SLC15A5: variants seen among roughly 807,000 people sequenced by gnomAD.
The protein encoded by SLC15A5 is Peptide/histidine transporter ENSP00000340402.
SLC15A5 carries 58 observed loss-of-function variants against 56.1 expected under a neutral mutation model. The ratio of observed to expected loss-of-function variants is 1.03; its 90% confidence interval spans 0.84 to 1.29. The LOEUF is 1.29. Among genes scored for constraint, SLC15A5 ranks in the 50% most tolerant of loss-of-function variants. The probability of loss-of-function intolerance (pLI) is 0.00; values close to 1 mark genes in which losing one functional copy is unlikely to be tolerated. For synonymous variants in SLC15A5, 264 were observed against 250.5 expected (o/e 1.05, Z -0.51); for missense variants, 681 against 672.1 (o/e 1.01, Z -0.15).
chr12:16,277,055 G>A (rs1248996776), intron 1 of SLC15A5, among the ~76,000 whole-genome samples: 2 of 151,616 alleles, frequency 1.3e-5, no homozygotes, highest in Non-Finnish European at 2.9e-5. Context: ...GGCATTCTAA[G>A]GAGTAAGATA....
intron 6 of SLC15A5, among the ~76,000 whole-genome samples, chr12:16,222,887 A>G (rs1410721739): frequency 6.6e-6 from 1 of 152,232 alleles, no homozygotes; most frequent in Non-Finnish European, 1.5e-5. Context: ...ACATCAGAGA[A>G]GATCACAAAT....
At chr12:16,264,883 C>A (rs1864678618) in intron 2 of SLC15A5, among the ~76,000 whole-genome samples, 1 of 152,198 alleles carries the variant, frequency 6.6e-6, no homozygotes, top group South Asian at 2.1e-4. Context: ...TCAAATTAAA[C>A]CTCTTTCTTT....
At chr12:16,231,669 T>A (rs1864301135) in intron 5 of SLC15A5, among the ~76,000 whole-genome samples, 1 of 152,214 alleles carries the variant, frequency 6.6e-6, no homozygotes, top group African/African-American at 2.4e-5. Context: ...ATGTGTTCCA[T>A]CTCCTCCTCT....
chr12:16,259,154 C>G lies in SLC15A5; in HGVS notation c.585-1284G>C, dbSNP rs1489962062. The stretch of plus-strand genomic sequence containing the variant: ...TGAAGGAATCCTACTGCCTCAGCTT[C>G]TCTCAAGTAGCTGGGACCACAAGCA... On this transcript the variant is annotated intron_variant, in intron 2 of 8. Coordinates refer to ENST00000344941, the MANE Select transcript of SLC15A5 (RefSeq NM_001170798.1). Among the ~76,000 whole-genome samples, 6 of 149,626 alleles carry G rather than the reference C, an allele frequency of 4.0e-5. No homozygotes were observed. The Admixed American group carries it at 4.0e-4, about 10-fold the overall frequency.
intron 1 of SLC15A5, among the ~76,000 whole-genome samples, chr12:16,274,834 T>C (rs1864799763): frequency 6.6e-6 from 1 of 152,120 alleles, no homozygotes; most frequent in Non-Finnish European, 1.5e-5. Flanking sequence ...CTTCCATCTT[T>C]TGAGAAAATG....
At chr12:16,198,076 G>A (rs1417834010) in intron 7 of SLC15A5, among the ~76,000 whole-genome samples, 5 of 152,064 alleles carry the variant, frequency 3.3e-5, no homozygotes, top group African/African-American at 9.7e-5. Flanking sequence ...CCTGCCATTC[G>A]TAATGCCCAC....
intron 4 of SLC15A5, among the ~76,000 whole-genome samples, chr12:16,241,738 A>G (rs1455800749): frequency 6.6e-6 from 1 of 152,224 alleles, no homozygotes; most frequent in Admixed American, 6.5e-5. Context: ...CTCCCAGCAC[A>G]ACTTGGAAGT....
intron 7 of SLC15A5, among the ~76,000 whole-genome samples, chr12:16,197,408 A>T (rs2136238574): frequency 6.8e-6 from 1 of 146,504 alleles, no homozygotes; most frequent in Admixed American, 7.0e-5. Flanking sequence ...ATGTGAAGAG[A>T]CAGAATTGGG....
At chr12:16,272,156 G>A (rs552488540) in intron 2 of SLC15A5, among the ~76,000 whole-genome samples, 36 of 152,136 alleles carry the variant, frequency 2.4e-4, no homozygotes, top group South Asian at 8.3e-4. Context: ...TAATAAAACC[G>A]GAGAAGAGGA....
At chr12:16,201,122 A>G (rs1331488560) in intron 7 of SLC15A5, among the ~76,000 whole-genome samples, 1 of 152,152 alleles carries the variant, frequency 6.6e-6, no homozygotes, top group Admixed American at 6.6e-5. Context: ...CCAAGAAGAA[A>G]TGGAAATACT....
intron 8 of SLC15A5, among the ~76,000 whole-genome samples, chr12:16,193,053 T>C (rs780374099): frequency 6.6e-6 from 1 of 152,022 alleles, no homozygotes; most frequent in Non-Finnish European, 1.5e-5. Flanking sequence ...AATTGAGAGA[T>C]GGTGCAGGTT....
chr12:16,277,358 G>T lies in SLC15A5; in HGVS notation c.328C>A (p.Leu110Met). The T allele has an allele frequency of 6.5e-7, 1 of 1,534,864 alleles. No homozygotes were observed. Among genetic ancestry groups the T allele is most frequent in the Non-Finnish European group, 8.7e-7 (1 of 1,145,422 alleles). Residue 110 changes from leucine to methionine, a missense_variant, in exon 1 of 9, where the codon CTG (leucine) becomes ATG (methionine). By Grantham distance (15) the Leu-to-Met change is conservative. Coordinates refer to ENST00000344941, the MANE Select transcript of SLC15A5 (RefSeq NM_001170798.1). ...LTDVYLGRNK[L>M]VYICLFLHFL... Reference sequence around the variant, plus strand: ...TGTAGAAACAAGCAAATGTACACCAGTTTGTTTCTTCCTAAATAGACATCA... The same window carrying T: ...TGTAGAAACAAGCAAATGTACACCATTTTGTTTCTTCCTAAATAGACATCA...
At chr12:16,189,859 A>G (rs1455047994) in intron 8 of SLC15A5, 44 bp from the exon 9 acceptor site, 23 of 1,350,014 alleles carry the variant, frequency 1.7e-5, no homozygotes, top group Non-Finnish European at 2.1e-5. Flanking sequence ...CCAGATGTAG[A>G]TGAATTGATA....
chr12:16,222,433 C>T (rs1300410037), intron 6 of SLC15A5, among the ~76,000 whole-genome samples: 2 of 151,932 alleles, frequency 1.3e-5, no homozygotes. Context: ...TCTCTCATTC[C>T]CATTGATGCT....
chr12:16,277,375 T>G lies in SLC15A5; in HGVS notation c.311A>C (p.Tyr104Ser). 6.5e-7 allele frequency: 1 copy of G among 1,536,052 alleles called. No individual in the cohort carries two copies. ...PVFVRWLTDVYLGRNKLVYIC... is the reference protein window; with the variant it reads ...PVFVRWLTDVSLGRNKLVYIC... Reference sequence around the variant, plus strand: ...GTACACCAGTTTGTTTCTTCCTAAATAGACATCAGTGAGCCATCTGACAAA... The same window carrying G: ...GTACACCAGTTTGTTTCTTCCTAAAGAGACATCAGTGAGCCATCTGACAAA... The change falls in exon 1 of 9, where the codon TAT becomes TCT. Residue 104 changes from tyrosine to serine, a missense_variant. Coordinates refer to ENST00000344941, the MANE Select transcript of SLC15A5 (RefSeq NM_001170798.1).
intron 6 of SLC15A5, among the ~76,000 whole-genome samples, chr12:16,221,651 G>T (rs1330829115): frequency 6.6e-6 from 1 of 152,134 alleles, no homozygotes; most frequent in Non-Finnish European, 1.5e-5. Context: ...TCAATCAGGG[G>T]AATGATAGAA....
intron 3 of SLC15A5, among the ~76,000 whole-genome samples, chr12:16,254,163 A>G (rs943807701): frequency 1.3e-5 from 2 of 152,070 alleles, no homozygotes; most frequent in African/African-American, 4.8e-5. Flanking sequence ...ATGCTACAAC[A>G]TGGATAAACG....
intron 7 of SLC15A5, among the ~76,000 whole-genome samples, chr12:16,203,127 G>A (rs1286660699): frequency 6.6e-6 from 1 of 152,040 alleles, no homozygotes; most frequent in African/African-American, 2.4e-5. Flanking sequence ...GATTTTAAAT[G>A]TTCTCATCAC....
intron 7 of SLC15A5, among the ~76,000 whole-genome samples, chr12:16,197,475 T>C (rs1863905294): frequency 6.6e-6 from 1 of 152,080 alleles, no homozygotes; most frequent in Non-Finnish European, 1.5e-5. Flanking sequence ...TAAAGTTGAA[T>C]CTTGCCTTAA....
Sources: allele counts gnomAD v4.1 joint callset (sites outside exome capture counted in the v4.1 genomes callset), GRCh38; gene constraint gnomAD v4.1.1; transcripts MANE v1.5; gene names NCBI Gene and HGNC (gene_info 2026-07-23, HGNC 2026-07-21).